The following LMBRD1 variants were observed in gnomAD, a reference collection of about 807,000 sequenced individuals.
LMBRD1 encodes the protein LMBR1 domain containing 1.
In LMBRD1, 64 loss-of-function variants were observed where a neutral mutation model predicts 74.8. That is an observed-to-expected ratio of 0.86 (90% CI 0.70 to 1.05). The LOEUF (loss-of-function observed/expected upper bound fraction) is 1.05. LMBRD1 is among the 50% of genes least tolerant of loss of function. The pLI, the probability that LMBRD1 is intolerant of heterozygous loss-of-function variation, is 0.00. For synonymous variants in LMBRD1, 204 were observed against 216.3 expected, an observed-to-expected ratio of 0.94 and a Z score of 0.50; for missense variants, 652 against 645.9, an observed-to-expected ratio of 1.01 and a Z score of -0.10.
intron 9 of LMBRD1, among the ~76,000 whole-genome samples, chr6:69,702,172 T>C (rs924548637): frequency 5.9e-5 from 9 of 151,808 alleles, no homozygotes; most frequent in Non-Finnish European, 1.2e-4. Context: ...GACAAAGCAT[T>C]TGAAAAGTCT....
chr6:69,679,632 T>G (rs1221106789), intron 14 of LMBRD1, among the ~76,000 whole-genome samples: 1 of 152,086 alleles, frequency 6.6e-6, no homozygotes, highest in Non-Finnish European at 1.5e-5. Context: ...ATGAGAAAAT[T>G]GAATATATCT....
At chr6:69,676,403 T>C (rs1459533230) in intron 15 of LMBRD1, 47 bp downstream of exon 15, 12 of 1,587,706 alleles carry the variant, frequency 7.6e-6, no homozygotes, top group Non-Finnish European at 1.0e-5. Context: ...CATTTAACTA[T>C]AATTTATAAA....
intron 7 of LMBRD1, among the ~76,000 whole-genome samples, chr6:69,726,429 A>C (rs1021039175): frequency 6.6e-6 from 1 of 152,252 alleles, no homozygotes; most frequent in African/African-American, 2.4e-5. Flanking sequence ...CTGCACTCCC[A>C]TGTTTGTTGC....
chr6:69,726,355 A>G (rs1766734977), intron 7 of LMBRD1, among the ~76,000 whole-genome samples: 1 of 152,226 alleles, frequency 6.6e-6, no homozygotes, highest in Non-Finnish European at 1.5e-5. Flanking sequence ...CTACTATATG[A>G]TCTAGCAATC....
intron 4 of LMBRD1, among the ~76,000 whole-genome samples, 174 bp from the exon 5 acceptor site, chr6:69,749,582 T>A (rs1003455605): frequency 6.6e-6 from 1 of 151,880 alleles, no homozygotes; most frequent in Non-Finnish European, 1.5e-5. Flanking sequence ...ACATCTTAAG[T>A]ATCTTTGCAA....
chr6:69,749,619 A>G (rs554726230), intron 4 of LMBRD1, among the ~76,000 whole-genome samples: 17 of 151,852 alleles, frequency 1.1e-4, no homozygotes, highest in Non-Finnish European at 2.2e-4. Flanking sequence ...AATCTTTTCA[A>G]TAGTTAGGCC....
chr6:69,701,009 C>G (rs1766116048), intron 11 of LMBRD1, 140 bp from the exon 12 acceptor site: 1 of 574,850 alleles, frequency 1.7e-6, no homozygotes, highest in East Asian at 3.9e-5. Flanking sequence ...GGCTACTGTG[C>G]TTAAAAAAAA....
intron 7 of LMBRD1, among the ~76,000 whole-genome samples, chr6:69,730,525 T>C (rs1015490479): frequency 6.6e-6 from 1 of 152,126 alleles, no homozygotes; most frequent in African/African-American, 2.4e-5. Context: ...GAAGGCATCA[T>C]ATAATTGAAG....
At chr6:69,743,228 T>C (rs1241952626) in intron 5 of LMBRD1, among the ~76,000 whole-genome samples, 2 of 152,168 alleles carry the variant, frequency 1.3e-5, no homozygotes, top group Non-Finnish European at 2.9e-5. Flanking sequence ...ATAACCAATC[T>C]GTGAGAGTGG....
chr6:69,796,711 G>T, intron 1 of LMBRD1, 102 bp downstream of exon 1: 1 of 1,088,174 alleles, frequency 9.2e-7, no homozygotes, highest in Non-Finnish European at 1.4e-6. Flanking sequence ...AGCGGGGCGG[G>T]GCGAAGAGGG....
intron 3 of LMBRD1, among the ~76,000 whole-genome samples, chr6:69,764,226 G>A (rs992268758): frequency 6.6e-6 from 1 of 152,126 alleles, no homozygotes; most frequent in Non-Finnish European, 1.5e-5. Context: ...GCCTTTGGGA[G>A]GTAATTAGGT....
chr6:69,722,292 G>A lies in LMBRD1; in HGVS notation c.637-3211C>T, dbSNP rs1562099119. On this transcript the variant is annotated intron_variant, in intron 7 of 15. Transcript: ENST00000649934. ...CCTGCCCTGCAAGAAATGGCTAAAG[G>A]GAGTTCTTCAATCTGAAACAAAAGG... Among the ~76,000 whole-genome samples the A allele has an allele frequency of 2.0e-5, 3 of 152,212 alleles. No individual in the cohort carries two copies. In the East Asian group the frequency reaches 5.8e-4, roughly 29 times the overall value.
rs10550597 is a variant in LMBRD1 at position 69,753,139 on chromosome 6, GCAGT to G, written c.308-787_308-784del. Among the ~76,000 whole-genome samples the G allele has an allele frequency of 4.0e-3, 614 of 152,164 alleles. 5 individuals carry two copies. The highest frequency in any genetic ancestry group is 0.013 in the African/African-American group (552 of 41,516). On this transcript the variant is annotated intron_variant, in intron 3 of 15. Coordinates refer to ENST00000649934, the MANE Select transcript of LMBRD1 (RefSeq NM_018368.4). ...GTTAGATTTGACATACTTTTAACCAGCAGTCAGTCAAAATATTTATCTAAATTCA... is the reference window on the plus strand; with the variant it reads ...GTTAGATTTGACATACTTTTAACCAGCAGTCAAAATATTTATCTAAATTCA...
In LMBRD1 at chr6:69,778,432, G is replaced by A. The variant is rs970616163; in HGVS notation, c.307+2062C>T. Among the ~76,000 whole-genome samples, 6 of 152,102 alleles carry A rather than the reference G, an allele frequency of 3.9e-5. No homozygotes were observed. The East Asian group carries it at 1.2e-3, about 29-fold the overall frequency. On this transcript the variant is annotated intron_variant, in intron 3 of 15. Coordinates refer to ENST00000649934, the MANE Select transcript of LMBRD1 (RefSeq NM_018368.4). ...TTTCTGTGGGCTTAATTCTCTCCAT[G>A]GAACAAACTGAAAAAGCCTGCATGA... is the stretch of plus-strand genomic sequence containing the variant.
intron 3 of LMBRD1, among the ~76,000 whole-genome samples, chr6:69,774,960 A>AGGAAGGAG (rs1383477020): frequency 3.2e-5 from 1 of 31,386 alleles, no homozygotes; most frequent in Non-Finnish European, 7.5e-5. Context: ...GAAGGAAGGA[A>AGGAAGGAG]GGAAGGAAGG....
At chr6:69,740,485 A>G (rs894542769) in intron 6 of LMBRD1, among the ~76,000 whole-genome samples, 4 of 152,216 alleles carry the variant, frequency 2.6e-5, no homozygotes, top group Admixed American at 1.3e-4. Context: ...TTTATCAGCA[A>G]TAGAATCAAG....
chr6:69,779,824 T>G (rs1765787336), intron 3 of LMBRD1, among the ~76,000 whole-genome samples: 1 of 152,244 alleles, frequency 6.6e-6, no homozygotes, highest in Admixed American at 6.5e-5. Context: ...AAAGTTTATA[T>G]GTAGCTTTAT....
At chr6:69,715,693 C>T (rs973919538) in intron 8 of LMBRD1, among the ~76,000 whole-genome samples, 1 of 152,222 alleles carries the variant, frequency 6.6e-6, no homozygotes, top group Admixed American at 6.6e-5. Context: ...TATTTACACA[C>T]ACACACACAC....
intron 14 of LMBRD1, among the ~76,000 whole-genome samples, chr6:69,694,037 T>C (rs1765944681): frequency 6.6e-6 from 1 of 152,004 alleles, no homozygotes; most frequent in Non-Finnish European, 1.5e-5. Context: ...TATTCAGTAG[T>C]TCAAAGGGAA....
Sources: allele counts gnomAD v4.1 joint callset (sites outside exome capture counted in the v4.1 genomes callset), GRCh38; gene constraint gnomAD v4.1.1; transcripts MANE v1.5; gene names NCBI Gene and HGNC (gene_info 2026-07-23, HGNC 2026-07-21).